The following SLC24A2 variants were observed in gnomAD, a reference collection of about 807,000 sequenced individuals.
The protein encoded by SLC24A2 is solute carrier family 24 member 2.
Under a neutral mutation model 62.0 loss-of-function variants are expected in SLC24A2, and 36 were observed. The observed-to-expected ratio is 0.58, with a 90% CI of 0.44 to 0.77. SLC24A2 has a LOEUF of 0.77. Among genes scored for constraint, SLC24A2 ranks in the 30% least tolerant of loss-of-function variants. SLC24A2 has a pLI of 0.00. For synonymous variants in SLC24A2, 358 were observed against 294.0 expected (o/e 1.22, Z -2.23); for missense variants, 846 against 817.9 (o/e 1.03, Z -0.42).
the SLC24A2 span, among the ~76,000 whole-genome samples, chr9:20,236,576 G>A: frequency 6.6e-6 from 1 of 152,126 alleles, no homozygotes; most frequent in East Asian, 1.9e-4. Flanking sequence ...TCATGTTTGA[G>A]AGACATACTG....
At chr9:19,539,583 T>C (rs1424509623) in intron 8 of SLC24A2, among the ~76,000 whole-genome samples, 1 of 87,944 alleles carries the variant, frequency 1.1e-5, no homozygotes, top group Non-Finnish European at 2.2e-5. Context: ...TTTGTTATAA[T>C]TTCTGTTCTT....
the SLC24A2 span, among the ~76,000 whole-genome samples, chr9:19,844,044 A>G: frequency 6.6e-6 from 1 of 152,186 alleles, no homozygotes; most frequent in Admixed American, 6.5e-5. Flanking sequence ...TATACCCAGT[A>G]ATGGTATTGC....
Position 19,507,942 on chromosome 9 carries a change from TTA to T in SLC24A2, c.*8209_*8210del, listed in dbSNP as rs1832562519. 1 of 152,232 alleles carries T rather than the reference TTA, an allele frequency of 6.6e-6. No individual in the cohort carries two copies. Among genetic ancestry groups the T allele is most frequent in the Non-Finnish European group, 1.5e-5 (1 of 68,044 alleles). 9.4% of individuals were successfully genotyped at this position (152,232 alleles called of 1,614,324 possible). A position where few individuals can be genotyped will look rare whatever the true frequency, so the allele number is the denominator to read the frequency against. On this transcript the variant is annotated 3_prime_UTR_variant, in exon 11 of 11. Transcript: ENST00000341998. Reference sequence around the variant, plus strand: ...TAACATAACCTGTCTAAAAGACAGTTTATATGTTATAGAGCAAATGTCTATGT... The same window carrying T: ...TAACATAACCTGTCTAAAAGACAGTTTATGTTATAGAGCAAATGTCTATGT...
At chr9:20,009,345 G>A in the SLC24A2 span, among the ~76,000 whole-genome samples, 1 of 148,062 alleles carries the variant, frequency 6.8e-6, no homozygotes, top group Non-Finnish European at 1.5e-5. Flanking sequence ...AGATTGGGTT[G>A]CTGCATTCTA....
chr9:19,663,958 G>A (rs1046248758), intron 2 of SLC24A2, among the ~76,000 whole-genome samples: 5 of 152,202 alleles, frequency 3.3e-5, no homozygotes, highest in Non-Finnish European at 5.9e-5. Context: ...GTGGATGGAC[G>A]AAAGCAAAAG....
rs116995477 is a variant in SLC24A2, at chr9:19,748,232, A to G, written c.930+37705T>C. On this transcript the variant is annotated intron_variant, in intron 2 of 10. Transcript: ENST00000341998. ...TGAAGCAGATATAAAGATACTATGCAGGAGAGCAGATCTGTGATTTCAGTT... is the reference window on the plus strand; with the variant it reads ...TGAAGCAGATATAAAGATACTATGCGGGAGAGCAGATCTGTGATTTCAGTT... Among the ~76,000 whole-genome samples the G allele has an allele frequency of 5.9e-5, 9 of 152,320 alleles. No homozygotes were observed. In the East Asian group the frequency reaches 1.7e-3, roughly 29 times the overall value.
chr9:19,659,444 C>T (rs2118226659), intron 2 of SLC24A2, among the ~76,000 whole-genome samples: 1 of 152,198 alleles, frequency 6.6e-6, no homozygotes. Context: ...GGAAATAGTC[C>T]TTTCATTAAA....
At chr9:19,671,590 T>C (rs118069461) in intron 2 of SLC24A2, among the ~76,000 whole-genome samples, 2,435 of 152,322 alleles carry the variant, frequency 0.016, 27 homozygotes, top group Admixed American at 0.031. Context: ...CCCAGCACCA[T>C]GTTGAATAGA....
chr9:19,915,061 T>C, the SLC24A2 span, among the ~76,000 whole-genome samples: 2 of 152,104 alleles, frequency 1.3e-5, no homozygotes, highest in Non-Finnish European at 2.9e-5. Context: ...TCCAGAATAT[T>C]CCCATCACTC....
At chr9:20,263,713 C>T in the SLC24A2 span, among the ~76,000 whole-genome samples, 1 of 152,160 alleles carries the variant, frequency 6.6e-6, no homozygotes, top group Non-Finnish European at 1.5e-5. Flanking sequence ...GTAGCTAGCA[C>T]TAACTTTACC....
chr9:19,897,257 G>C, the SLC24A2 span, among the ~76,000 whole-genome samples: 2 of 152,098 alleles, frequency 1.3e-5, no homozygotes, highest in African/African-American at 4.8e-5. Flanking sequence ...TTTGTAAACA[G>C]TGACCCCATA....
chr9:20,059,461 C>T, the SLC24A2 span, among the ~76,000 whole-genome samples: 1 of 152,034 alleles, frequency 6.6e-6, no homozygotes, highest in Non-Finnish European at 1.5e-5. Flanking sequence ...CTTTTCCAAC[C>T]ATAATGGAAT....
At chr9:20,069,227 C>T in the SLC24A2 span, among the ~76,000 whole-genome samples, 2 of 152,150 alleles carry the variant, frequency 1.3e-5, no homozygotes, top group African/African-American at 4.8e-5. Context: ...GTAAGGGATG[C>T]TTTCATATGC....
the SLC24A2 span, among the ~76,000 whole-genome samples, chr9:19,864,264 C>G: frequency 6.6e-6 from 1 of 151,700 alleles, no homozygotes; most frequent in Non-Finnish European, 1.5e-5. Flanking sequence ...AGAACTAATA[C>G]CAATCCTAAA....
the SLC24A2 span, among the ~76,000 whole-genome samples, chr9:20,164,439 A>G: frequency 2.6e-5 from 4 of 152,152 alleles, no homozygotes; most frequent in African/African-American, 9.7e-5. Flanking sequence ...ATGAGATACC[A>G]TCTCACACCA....
the SLC24A2 span, among the ~76,000 whole-genome samples, chr9:19,873,571 T>C: frequency 4.0e-3 from 603 of 151,608 alleles, 3 homozygotes; most frequent in African/African-American, 0.013. Context: ...TCTCTTTCTC[T>C]CCTTTCCTTT....
the SLC24A2 span, among the ~76,000 whole-genome samples, chr9:19,940,510 A>G: frequency 1.3e-5 from 2 of 152,150 alleles, no homozygotes; most frequent in East Asian, 3.9e-4. Flanking sequence ...GTTGGACTAC[A>G]TGAGTGCTCA....
At chr9:19,636,339 C>CTTTT (rs1564009884) in intron 2 of SLC24A2, among the ~76,000 whole-genome samples, 1 of 31,372 alleles carries the variant, frequency 3.2e-5, no homozygotes, top group East Asian at 5.6e-4. Context: ...TTCTTTCTTT[C>CTTTT]TTTCTTTCTT....
Position 19,788,913 on chromosome 9 carries a change from G to A in SLC24A2, c.-182C>T. 1 of 985,358 alleles carries A rather than the reference G, an allele frequency of 1.0e-6. No homozygotes were observed. The highest frequency in any genetic ancestry group is 1.2e-6 in the Non-Finnish European group (1 of 829,878). The allele number at this position is 985,358 out of a possible 1,614,324, so 61.0% of individuals were successfully genotyped here. On this transcript the variant is annotated 5_prime_UTR_variant, in exon 1 of 11. Coordinates refer to ENST00000341998, the MANE Select transcript of SLC24A2 (RefSeq NM_020344.4). ...GATAAGATGGGAGGACGCGCACACG[G>A]CGGGGCCCCCGAGCGCGGCCCGCCG...
Sources: allele counts gnomAD v4.1 joint callset (sites outside exome capture counted in the v4.1 genomes callset), GRCh38; gene constraint gnomAD v4.1.1; transcripts MANE v1.5; gene names NCBI Gene and HGNC (gene_info 2026-07-23, HGNC 2026-07-21).